COL11A1: variants seen among roughly 807,000 people sequenced by gnomAD.
COL11A1 encodes the protein collagen type XI alpha 1 chain.
Under a neutral mutation model 265.2 loss-of-function variants are expected in COL11A1, and 74 were observed. The observed-to-expected ratio is 0.28, with a 90% CI of 0.23 to 0.34. COL11A1 has a LOEUF of 0.34. Among genes scored for constraint, COL11A1 ranks in the 10% least tolerant of loss-of-function variants. COL11A1 has a pLI of 1.00. For synonymous variants in COL11A1, 816 were observed against 727.6 expected, an observed-to-expected ratio of 1.12 and a Z score of -1.96; for missense variants, 2,165 against 2,263.6, an observed-to-expected ratio of 0.96 and a Z score of 0.88.
rs1458892372 is a variant in COL11A1, at chr1:103,015,814, T to C, written c.1414-72A>G. The stretch of plus-strand genomic sequence containing the variant: ...TATTTACTAGAACTAGAATAACTTA[T>C]AACGTAAGTCTACTTTATCTAATTT... On this transcript the variant is annotated intron_variant, in intron 11 of 66. Coordinates refer to ENST00000370096, the MANE Select transcript of COL11A1 (RefSeq NM_001854.4). 48 of 1,126,422 alleles carry C rather than the reference T, an allele frequency of 4.3e-5. 1 individual carries two copies. In the South Asian group the frequency reaches 6.2e-4, roughly 15 times the overall value. The allele number at this position is 1,126,422 out of a possible 1,614,324, so 69.8% of individuals were successfully genotyped here.
At position 102,877,702 on chromosome 1, in the gene COL11A1, T is replaced by G; in HGVS notation, c.*317A>C. The G allele has an allele frequency of 3.4e-6, 1 of 290,892 alleles. No individual in the cohort carries two copies. Among genetic ancestry groups the G allele is most frequent in the South Asian group, 3.9e-5 (1 of 25,732 alleles). 18.0% of individuals were successfully genotyped at this position (290,892 alleles called of 1,614,324 possible). On this transcript the variant is annotated 3_prime_UTR_variant, in exon 67 of 67. Coordinates refer to ENST00000370096, the MANE Select transcript of COL11A1 (RefSeq NM_001854.4). ...GATGGATGAGAATGAGCACCATATT[T>G]TTTATGAATATATATTTTTCTTTTT...
chr1:103,077,375 G>T (rs1287882916), intron 3 of COL11A1, among the ~76,000 whole-genome samples: 3 of 151,212 alleles, frequency 2.0e-5, no homozygotes, highest in Non-Finnish European at 4.4e-5. Flanking sequence ...AATAAGGTGT[G>T]AATAATAAGA....
intron 4 of COL11A1, among the ~76,000 whole-genome samples, chr1:103,063,289 G>A (rs1481384971): frequency 2.6e-5 from 4 of 151,940 alleles, no homozygotes; most frequent in Admixed American, 6.6e-5. Flanking sequence ...CAAAGACAGA[G>A]AACTGACATT....
intron 42 of COL11A1, among the ~76,000 whole-genome samples, chr1:102,945,180 T>C (rs1270115229): frequency 6.6e-6 from 1 of 151,290 alleles, no homozygotes; most frequent in East Asian, 1.9e-4. Flanking sequence ...GAGGGCAAAA[T>C]GAAATTAATT....
In COL11A1 at chr1:103,025,814, T is replaced by C. The variant is rs138054633; in HGVS notation, c.898-201A>G. On this transcript the variant is annotated intron_variant, in intron 6 of 66. Coordinates refer to ENST00000370096, the MANE Select transcript of COL11A1 (RefSeq NM_001854.4). ...TTCTTCGCTACCTTTACCCCTAGTT[T>C]GGCTTTTGCTGATGCTTGATAACTT... 30 of 1,613,414 alleles carry C rather than the reference T, an allele frequency of 1.9e-5. No homozygotes were observed. The highest frequency in any genetic ancestry group is 2.5e-5 in the Non-Finnish European group (29 of 1,179,966).
At chr1:103,073,895 A>G (rs1352467834) in intron 4 of COL11A1, among the ~76,000 whole-genome samples, 3 of 152,008 alleles carry the variant, frequency 2.0e-5, no homozygotes, top group Non-Finnish European at 4.4e-5. Context: ...TATATTACAC[A>G]GCTTTACTTT....
intron 62 of COL11A1, 63 bp downstream of exon 62, chr1:102,888,514 G>C (rs1187180054): frequency 1.4e-6 from 2 of 1,476,826 alleles, no homozygotes; most frequent in African/African-American, 2.8e-5. Flanking sequence ...TAAGTTCAGA[G>C]AAATCATTGG....
At chr1:102,906,510 C>A (rs2622836) in intron 54 of COL11A1, among the ~76,000 whole-genome samples, 1 of 151,936 alleles carries the variant, frequency 6.6e-6, no homozygotes, top group South Asian at 2.1e-4. Flanking sequence ...CAGGCTCATG[C>A]AATCCTCCCA....
chr1:102,946,444 T>C (rs2615994), intron 42 of COL11A1, among the ~76,000 whole-genome samples: 144,217 of 152,058 alleles, frequency 0.95, 68,552 homozygotes, highest in East Asian at 1. Flanking sequence ...AGGGCAGCTA[T>C]TTTCTATGAG....
At chr1:102,982,821 G>T (rs1476986780) in intron 31 of COL11A1, among the ~76,000 whole-genome samples, 2 of 152,028 alleles carry the variant, frequency 1.3e-5, no homozygotes, top group African/African-American at 4.8e-5. Context: ...CATATTCAGG[G>T]AGAAGGATAT....
intron 4 of COL11A1, among the ~76,000 whole-genome samples, chr1:103,042,925 AAT>A (rs928056308): frequency 4.7e-5 from 7 of 147,514 alleles, no homozygotes; most frequent in Admixed American, 6.9e-5. Flanking sequence ...CATGTATATA[AAT>A]ATATATATAT....
At chr1:102,888,974 G>T in intron 59 of COL11A1, 55 bp from the exon 60 acceptor site, 1 of 1,512,444 alleles carries the variant, frequency 6.6e-7, no homozygotes, top group Non-Finnish European at 9.2e-7. Flanking sequence ...TCATTTTCAT[G>T]TTTTCATAAC....
intron 2 of COL11A1, among the ~76,000 whole-genome samples, chr1:103,079,322 C>T (rs1672221941): frequency 6.6e-6 from 1 of 152,048 alleles, no homozygotes; most frequent in African/African-American, 2.4e-5. Flanking sequence ...TCTTTAAAAG[C>T]TTAAGAGTTT....
At chr1:103,058,214 G>A (rs12118796) in intron 4 of COL11A1, among the ~76,000 whole-genome samples, 18,067 of 152,076 alleles carry the variant, frequency 0.12, 1,201 homozygotes, top group Non-Finnish European at 0.14. Flanking sequence ...TCATGAACTG[G>A]CTTCTGCTAG....
chr1:103,106,494 A>G (rs1430557364), intron 1 of COL11A1, among the ~76,000 whole-genome samples: 1 of 152,190 alleles, frequency 6.6e-6, no homozygotes, highest in Non-Finnish European at 1.5e-5. Flanking sequence ...AATTCTAAAT[A>G]ATAAACAAAA....
chr1:103,025,476 A>G (rs772721648), intron 7 of COL11A1, 45 bp downstream of exon 7: 2 of 1,288,230 alleles, frequency 1.6e-6, no homozygotes, highest in East Asian at 2.3e-5. Context: ...TAAATTACAT[A>G]TTTAAAAAGT....
intron 14 of COL11A1, among the ~76,000 whole-genome samples, chr1:103,011,519 T>A (rs1413974394): frequency 6.6e-6 from 1 of 151,926 alleles, no homozygotes; most frequent in Non-Finnish European, 1.5e-5. Context: ...CATAATAAAA[T>A]CTTCGATAAA....
chr1:103,013,254 A>T (rs900901768), intron 13 of COL11A1, among the ~76,000 whole-genome samples: 9 of 152,034 alleles, frequency 5.9e-5, no homozygotes, highest in African/African-American at 2.2e-4. Flanking sequence ...TGAAAACAGT[A>T]GGATCTCCAA....
chr1:102,918,728 T>C (rs1206454866), intron 49 of COL11A1, among the ~76,000 whole-genome samples: 3 of 152,044 alleles, frequency 2.0e-5, no homozygotes, highest in Admixed American at 2.0e-4. Flanking sequence ...TGATTCAAAA[T>C]GATTCAGATT....
Sources: gnomAD v4.1 joint callset for allele counts (sites outside exome capture counted in the v4.1 genomes callset) on GRCh38, gnomAD v4.1.1 for gene constraint, MANE v1.5 for transcripts, NCBI Gene and HGNC (gene_info 2026-07-23, HGNC 2026-07-21) for gene names.